CREBBP: variants seen among roughly 807,000 people sequenced by gnomAD.
CREBBP encodes CREB binding lysine acetyltransferase.
Under a neutral mutation model 265.0 loss-of-function variants are expected in CREBBP, and 19 were observed. The ratio of observed to expected loss-of-function variants is 0.07; its 90% CI spans 0.05 to 0.11. CREBBP has a LOEUF of 0.11. Ranked by LOEUF, CREBBP falls within the 10% of genes least tolerant of loss-of-function variation. The pLI, the probability that CREBBP is intolerant of heterozygous loss-of-function variation, is 1.00. For missense variants in CREBBP, 2,525 were observed against 3,219.0 expected (o/e 0.78, Z 5.22); for synonymous variants, 1,457 against 1,223.7 (o/e 1.19, Z -3.98).
chr16:3,758,531 C>T lies in CREBBP; in HGVS notation c.3369+323G>A, dbSNP rs1054938711. Among the ~76,000 whole-genome samples the T allele has an allele frequency of 9.9e-5, 15 of 152,116 alleles. 1 individual carries two copies. Among genetic ancestry groups the T allele is most frequent in the African/African-American group, 3.4e-4 (14 of 41,418 alleles). On this transcript the variant is annotated intron_variant, in intron 17 of 30. Transcript: ENST00000262367. ...TATCCAGGAATATAAAAGAGAGAAG[C>T]CCAAATATTTTTTTACAGTTCATGT...
intron 26 of CREBBP, among the ~76,000 whole-genome samples, chr16:3,737,921 GGGATTACA>G (rs1370933354): frequency 6.6e-6 from 1 of 151,344 alleles, no homozygotes; most frequent in Non-Finnish European, 1.5e-5. Context: ...TTGAGTAGCT[GGGATTACA>G]GGCTCATGCT....
intron 3 of CREBBP, among the ~76,000 whole-genome samples, chr16:3,808,769 T>C (rs774708448): frequency 9.9e-5 from 15 of 152,172 alleles, no homozygotes; most frequent in Non-Finnish European, 1.8e-4. Flanking sequence ...ACAAGAAGTC[T>C]TGGAAAAAGC....
At chr16:3,768,111 C>A (rs1271583998) in intron 15 of CREBBP, among the ~76,000 whole-genome samples, 1 of 125,720 alleles carries the variant, frequency 8.0e-6, no homozygotes, top group East Asian at 2.5e-4. Context: ...AGAGTCAGTG[C>A]AATTATGGTC....
intron 2 of CREBBP, among the ~76,000 whole-genome samples, chr16:3,819,543 G>C (rs190181073): frequency 6.6e-6 from 1 of 152,200 alleles, no homozygotes; most frequent in Non-Finnish European, 1.5e-5. Context: ...TAGGACGATA[G>C]GGAGAGGCCG....
chr16:3,849,057 G>C (rs2054727580), intron 2 of CREBBP, among the ~76,000 whole-genome samples: 1 of 152,098 alleles, frequency 6.6e-6, no homozygotes, highest in African/African-American at 2.4e-5. Context: ...ACCCCTACTT[G>C]GGACTAAACA....
Position 3,727,892 on chromosome 16 carries a change from G to C in CREBBP, c.7155C>G (p.Pro2385=), listed in dbSNP as rs763948946. Residue 2385 remains proline (P), a synonymous_variant, in exon 31 of 31, where the codon CCC becomes CCG. Transcript: ENST00000262367. ...HVSPQTGSPH[P]GLAVTMASSI... is the part of the protein sequence containing the mutation. Reference sequence around the variant, plus strand: ...AGCTGGCCATGGTGACTGCGAGTCCGGGGTGGGGGGAACCAGTCTGGGGTG... The same window carrying C: ...AGCTGGCCATGGTGACTGCGAGTCCCGGGTGGGGGGAACCAGTCTGGGGTG... The C allele has an allele frequency of 3.1e-6, 5 of 1,613,026 alleles. No homozygotes were observed. In the East Asian group the frequency reaches 6.7e-5, roughly 22 times the overall value.
chr16:3,745,444 T>G, intron 21 of CREBBP, 90 bp from the exon 22 acceptor site: 1 of 1,165,692 alleles, frequency 8.6e-7, no homozygotes, highest in Non-Finnish European at 1.3e-6. Context: ...CCACACCTTG[T>G]TCTCTGGGTT....
chr16:3,760,367 C>T (rs1424578768), intron 16 of CREBBP, among the ~76,000 whole-genome samples: 9 of 144,862 alleles, frequency 6.2e-5, no homozygotes, highest in East Asian at 2.0e-4. Flanking sequence ...GCTGAGATTA[C>T]GGGCACTAAG....
At chr16:3,803,110 T>A in intron 3 of CREBBP, among the ~76,000 whole-genome samples, 1 of 152,092 alleles carries the variant, frequency 6.6e-6, no homozygotes. Flanking sequence ...GCTATTTTCA[T>A]AGAGGAAATG....
At chr16:3,777,393 T>C (rs951632144) in intron 11 of CREBBP, among the ~76,000 whole-genome samples, 4 of 152,058 alleles carry the variant, frequency 2.6e-5, no homozygotes, top group Admixed American at 2.6e-4. Context: ...AATAGCTAAA[T>C]ACTGCTTCTT....
chr16:3,763,170 T>G, intron 16 of CREBBP, among the ~76,000 whole-genome samples: 1 of 146,820 alleles, frequency 6.8e-6, no homozygotes, highest in African/African-American at 2.5e-5. Flanking sequence ...TGAAACCAAT[T>G]TTTTTTTTTT....
intron 1 of CREBBP, among the ~76,000 whole-genome samples, chr16:3,872,192 A>G (rs1326159787): frequency 4.6e-5 from 7 of 152,240 alleles, no homozygotes; most frequent in Admixed American, 3.3e-4. Context: ...AGTATTTTAA[A>G]TACAGCCACA....
intron 3 of CREBBP, among the ~76,000 whole-genome samples, chr16:3,802,689 C>G (rs1251589788): frequency 6.6e-6 from 1 of 152,136 alleles, no homozygotes; most frequent in African/African-American, 2.4e-5. Context: ...TTCCAAACAG[C>G]AAGAGACTGA....
chr16:3,798,344 T>A (rs1318320376), intron 3 of CREBBP, among the ~76,000 whole-genome samples: 1 of 152,188 alleles, frequency 6.6e-6, no homozygotes, highest in Non-Finnish European at 1.5e-5. Context: ...AATTAAACTT[T>A]TATGCTTCAA....
intron 1 of CREBBP, among the ~76,000 whole-genome samples, chr16:3,855,632 C>T (rs373580811): frequency 1.1e-4 from 17 of 152,156 alleles, no homozygotes; most frequent in African/African-American, 3.9e-4. Context: ...TGGGGTACCT[C>T]CTCATGGTTA....
intron 28 of CREBBP, among the ~76,000 whole-genome samples, chr16:3,733,391 C>T (rs867709366): frequency 3.9e-4 from 59 of 151,546 alleles, no homozygotes; most frequent in Non-Finnish European, 6.9e-4. Flanking sequence ...TCCCACCCCA[C>T]CGACAAGCAG....
intron 2 of CREBBP, among the ~76,000 whole-genome samples, chr16:3,839,783 A>G (rs1214737620): frequency 1.3e-5 from 2 of 150,646 alleles, no homozygotes; most frequent in African/African-American, 4.9e-5. Flanking sequence ...AAGGGAAGGA[A>G]GGAAGGAAAA....
At chr16:3,805,700 T>C (rs1352926936) in intron 3 of CREBBP, among the ~76,000 whole-genome samples, 1 of 152,212 alleles carries the variant, frequency 6.6e-6, no homozygotes, top group Non-Finnish European at 1.5e-5. Context: ...TGAAGCCTTC[T>C]GAAGTACTAA....
rs571610394 is a variant in CREBBP at position 3,725,849 on chromosome 16, G to A, written c.*1869C>T. ...CTAAAATTACCATCACCCCCACCTA[G>A]ACCAGCCTTTGTTGGGGGACTAGGG... On this transcript the variant is annotated 3_prime_UTR_variant, in exon 31 of 31. Coordinates refer to ENST00000262367, the MANE Select transcript of CREBBP (RefSeq NM_004380.3). 10 of 233,198 alleles carry A rather than the reference G, an allele frequency of 4.3e-5. No homozygotes were observed. The highest frequency in any genetic ancestry group is 2.0e-4 in the African/African-American group (9 of 45,472). The allele number at this position is 233,198 out of a possible 1,614,324, so 14.4% of individuals were successfully genotyped here.
Sources: gnomAD v4.1 joint callset for allele counts (sites outside exome capture counted in the v4.1 genomes callset) on GRCh38, gnomAD v4.1.1 for gene constraint, MANE v1.5 for transcripts, NCBI Gene and HGNC (gene_info 2026-07-23, HGNC 2026-07-21) for gene names.